Variants in OGDH observed in about 807,000 individuals in gnomAD.
OGDH encodes the protein oxoglutarate dehydrogenase, also known as 2-oxoglutarate dehydrogenase complex component E1.
A neutral mutation model predicts 116.6 loss-of-function variants in OGDH; 38 were observed. The ratio of observed to expected loss-of-function variants is 0.33; its 90% CI spans 0.25 to 0.43. The LOEUF is 0.43. OGDH is among the 20% of genes least tolerant of loss of function. The pLI is 1.00. For synonymous variants in OGDH, 488 were observed against 533.3 expected, an observed-to-expected ratio of 0.92 and a Z score of 1.17; for missense variants, 825 against 1,357.2, an observed-to-expected ratio of 0.61 and a Z score of 6.16.
chr7:44,693,772 C>A, intron 10 of OGDH, 53 bp from the exon 11 acceptor site: 1 of 1,508,876 alleles, frequency 6.6e-7, no homozygotes, highest in Non-Finnish European at 9.0e-7. Flanking sequence ...GCCCTCTGGT[C>A]CCTGTGCCGG....
chr7:44,645,576 C>A, intron 3 of OGDH, 58 bp downstream of exon 3: 1 of 1,518,300 alleles, frequency 6.6e-7, no homozygotes, highest in South Asian at 1.2e-5. Flanking sequence ...TAGGTCATGC[C>A]TCATGGGCCC....
At chr7:44,691,599 C>T (rs1466472686) in intron 10 of OGDH, among the ~76,000 whole-genome samples, 1 of 151,552 alleles carries the variant, frequency 6.6e-6, no homozygotes, top group Non-Finnish European at 1.5e-5. Flanking sequence ...GGAAACAAAC[C>T]TATGTCCAAC....
At chr7:44,706,383 G>A (rs1166154944) in intron 20 of OGDH, among the ~76,000 whole-genome samples, 1 of 149,732 alleles carries the variant, frequency 6.7e-6, no homozygotes, top group Non-Finnish European at 1.5e-5. Context: ...GTGCAATGGC[G>A]CATTCTTGGC....
Position 44,697,063 on chromosome 7 carries a change from A to G in OGDH, c.2050A>G (p.Ser684Gly), listed in dbSNP as rs771756884. Residue 684 changes from serine (S) to glycine (G), a missense_variant and splice_region_variant, in exon 15 of 23, where the codon AGC becomes GGC. Physicochemically the swap from Ser to Gly is moderately conservative, Grantham distance 56. Transcript: ENST00000222673. This position sits in a 1 kb window ranked among gnomAD's most constrained non-coding sequence, Gnocchi z 6.0. ...CCAGGACGTGGAGCGGGGCACATTC[A>G]GGTAACGTTCTGGGCAGTTTTGTTT... The part of the protein sequence containing the change: ...SGQDVERGTF[S>G]HRHHVLHDQN... 6.2e-7 allele frequency: 1 copy of G among 1,613,160 alleles called. No individual in the cohort carries two copies. Among genetic ancestry groups the G allele is most frequent in the Admixed American group, 1.7e-5 (1 of 59,980 alleles).
At chr7:44,698,647 C>G (rs1788693601) in intron 18 of OGDH, among the ~76,000 whole-genome samples, 1 of 152,004 alleles carries the variant, frequency 6.6e-6, no homozygotes, top group Non-Finnish European at 1.5e-5. Context: ...AAAGAACCAG[C>G]CTGGGCAACA....
intron 1 of OGDH, among the ~76,000 whole-genome samples, chr7:44,617,454 A>G (rs1784849145): frequency 6.6e-6 from 1 of 152,120 alleles, no homozygotes; most frequent in African/African-American, 2.4e-5. Context: ...AGGCTCAACA[A>G]TTGTTTCCAT....
At position 44,672,252 on chromosome 7, in the gene OGDH, G is replaced by A. The variant is rs1181385791; in HGVS notation, c.634-1535G>A. On this transcript the variant is annotated intron_variant, in intron 5 of 22. Coordinates refer to ENST00000222673, the MANE Select transcript of OGDH (RefSeq NM_002541.4). ...AAAGTTTGCTTTGTTTCATGGTCACGGAGCTTGTGTACAGGGATAGCCCAC... is the reference window on the plus strand; with the variant it reads ...AAAGTTTGCTTTGTTTCATGGTCACAGAGCTTGTGTACAGGGATAGCCCAC... Among the ~76,000 whole-genome samples, 6 of 152,100 alleles carry A rather than the reference G, an allele frequency of 3.9e-5. No homozygotes were observed. The East Asian group carries it at 7.7e-4, about 20-fold the overall frequency.
At chr7:44,635,983 G>A (rs773348984) in intron 2 of OGDH, among the ~76,000 whole-genome samples, 4 of 152,238 alleles carry the variant, frequency 2.6e-5, no homozygotes, top group South Asian at 2.1e-4. Flanking sequence ...GATTGCAGGC[G>A]TGAGCCACTA....
chr7:44,666,524 C>CG, intron 4 of OGDH: 1 of 331,744 alleles, frequency 3.0e-6, no homozygotes, highest in Non-Finnish European at 5.4e-6. Flanking sequence ...CTGTCATACT[C>CG]TAATAGCCTC....
intron 13 of OGDH, 76 bp downstream of exon 13, chr7:44,696,203 A>T (rs1788573303): frequency 7.5e-6 from 9 of 1,200,076 alleles, no homozygotes; most frequent in South Asian, 2.5e-5. Context: ...CCCAGAAAAA[A>T]TTCATGCTTT....
chr7:44,672,643 T>G (rs941990423), intron 5 of OGDH, among the ~76,000 whole-genome samples: 3 of 146,750 alleles, frequency 2.0e-5, no homozygotes, highest in East Asian at 2.0e-4. Flanking sequence ...TTTTGTTTTT[T>G]GTTTTTTTTT....
At chr7:44,670,647 A>G (rs551817069) in intron 5 of OGDH, among the ~76,000 whole-genome samples, 7 of 152,156 alleles carry the variant, frequency 4.6e-5, no homozygotes, top group African/African-American at 1.4e-4. Context: ...GGCCAACTAC[A>G]CCCTCTTCTT....
At chr7:44,656,324 C>T in intron 4 of OGDH, 2 of 1,535,900 alleles carry the variant, frequency 1.3e-6, no homozygotes, top group South Asian at 1.2e-5. Context: ...TCAGATCTTG[C>T]AGTTTTCAAG....
intron 13 of OGDH, 60 bp downstream of exon 13, chr7:44,696,187 C>T: frequency 7.9e-7 from 1 of 1,266,224 alleles, no homozygotes; most frequent in South Asian, 1.2e-5. Flanking sequence ...AACGAGGCAT[C>T]CTCTTCCCAG....
chr7:44,675,975 CG>C lies in OGDH; in HGVS notation c.1034del (p.Gly345GlufsTer3), dbSNP rs1562663087. On this transcript the variant is annotated frameshift_variant, in exon 9 of 23. Transcript: ENST00000222673. LOFTEE classifies it high-confidence loss of function. ...TTCACTGTTTACCCCATCAGGGCTC[CG>C]GAGATGTGAAGTACCACCTGGGCAT... Reference protein sequence around the residue: ...SKLEAADEGSGDVKYHLGMYH... With the variant: ...SKLEAADEGSXDVKYHLGMYH... 6.2e-7 allele frequency: 1 copy of C among 1,613,718 alleles called. No homozygotes were observed. Among genetic ancestry groups the C allele is most frequent in the African/African-American group, 1.3e-5 (1 of 74,880 alleles).
At chr7:44,693,222 C>T (rs1189005405) in intron 10 of OGDH, among the ~76,000 whole-genome samples, 6 of 151,882 alleles carry the variant, frequency 4.0e-5, no homozygotes, top group Non-Finnish European at 8.8e-5. Context: ...GCAGGATAAT[C>T]GCTTGAACCC....
intron 9 of OGDH, among the ~76,000 whole-genome samples, chr7:44,680,539 TACACACACACACACACACACACAC>T (rs56718274): frequency 6.9e-6 from 1 of 145,850 alleles, no homozygotes; most frequent in African/African-American, 2.5e-5. Context: ...TTTTATTGCA[TACACACACACACACACACACACAC>T]ACACACACAC....
chr7:44,672,637 G>GTTTTTTTTTT (rs1175741464), intron 5 of OGDH, among the ~76,000 whole-genome samples: 5 of 135,836 alleles, frequency 3.7e-5, no homozygotes, highest in African/African-American at 9.1e-5. Context: ...ATTTCTTTTT[G>GTTTTTTTTTT]TTTTTTGTTT....
chr7:44,665,541 A>G (rs1787149462), intron 4 of OGDH, among the ~76,000 whole-genome samples: 2 of 152,224 alleles, frequency 1.3e-5, no homozygotes, highest in Admixed American at 6.5e-5. Context: ...AAGCCTTTTT[A>G]TAAATCTCCA....
Sources: gnomAD v4.1 joint callset for allele counts (sites outside exome capture counted in the v4.1 genomes callset) on GRCh38, gnomAD v4.1.1 for gene constraint, Gnocchi (gnomAD v3.1) non-coding constraint, MANE v1.5 for transcripts, NCBI Gene and HGNC (gene_info 2026-07-23, HGNC 2026-07-21) for gene names.